The following AREL1 variants were observed in gnomAD, a reference collection of about 807,000 sequenced individuals.
The protein encoded by AREL1 is apoptosis resistant E3 ubiquitin protein ligase 1, also known as apoptosis-resistant E3 ubiquitin protein ligase 1.
In AREL1, 62 loss-of-function variants were observed where a neutral mutation model predicts 99.0. The observed-to-expected ratio is 0.63, with a 90% confidence interval of 0.51 to 0.77. AREL1 has a LOEUF of 0.77. Among genes scored for constraint, AREL1 ranks in the 30% least tolerant of loss-of-function variants. The pLI, the probability that AREL1 is intolerant of heterozygous loss-of-function variation, is 0.00. For synonymous variants in AREL1, 380 were observed against 376.5 expected (o/e 1.01, Z -0.11); for missense variants, 879 against 1,027.6 (o/e 0.86, Z 1.98).
At chr14:74,675,555 T>G in intron 8 of AREL1, 144 bp downstream of exon 8, 1 of 1,171,210 alleles carries the variant, frequency 8.5e-7, no homozygotes, top group Non-Finnish European at 1.2e-6. Context: ...AAGAAATTTT[T>G]AACAGTTGAA....
At chr14:74,664,781 A>G in intron 18 of AREL1, 55 bp downstream of exon 18, 1 of 1,546,898 alleles carries the variant, frequency 6.5e-7, no homozygotes, top group East Asian at 2.3e-5. Context: ...TTCTTCTGAA[A>G]CTTTTTCCTT....
chr14:74,669,858 A>G, intron 14 of AREL1, 84 bp from the exon 15 acceptor site: 7 of 1,584,048 alleles, frequency 4.4e-6, no homozygotes, highest in Non-Finnish European at 6.0e-6. Flanking sequence ...TATCCCTTCA[A>G]CCTTAAAAAT....
At position 74,669,688 on chromosome 14, in the gene AREL1, A is replaced by G; in HGVS notation, c.1875T>C (p.Phe625=). The change falls in exon 15 of 20, where the codon TTT becomes TTC. Residue 625 remains phenylalanine (F), a synonymous_variant. Coordinates refer to ENST00000356357, the MANE Select transcript of AREL1 (RefSeq NM_001039479.2). The stretch of plus-strand genomic sequence containing the variant: ...CTGATTTATTATATTTCTCTTCTGC[A>G]AAGACCAGCTCCATCTCACTCATGT... The part of the protein sequence containing the change: ...NNDMSEMELV[F]AEEKYNKSGQ... 1 of 1,614,188 alleles carries G rather than the reference A, an allele frequency of 6.2e-7. No homozygotes were observed. Among genetic ancestry groups the G allele is most frequent in the Non-Finnish European group, 8.5e-7 (1 of 1,180,026 alleles).
chr14:74,671,927 C>T (rs1056094106), intron 11 of AREL1: 7 of 440,990 alleles, frequency 1.6e-5, no homozygotes, highest in East Asian at 7.1e-5. Context: ...CCATGCCACA[C>T]GGAGAATATG....
intron 1 of AREL1, among the ~76,000 whole-genome samples, chr14:74,705,752 TTCTC>T (rs2090166336): frequency 1.3e-5 from 2 of 152,316 alleles, no homozygotes; most frequent in African/African-American, 2.4e-5. Context: ...TCAGTTTGGA[TTCTC>T]TCTATTGCAC....
At chr14:74,696,013 C>T (rs1232503571) in intron 1 of AREL1, among the ~76,000 whole-genome samples, 1 of 152,198 alleles carries the variant, frequency 6.6e-6, no homozygotes, top group African/African-American at 2.4e-5. Flanking sequence ...CAAGCCAAAT[C>T]CTAACAGCCG....
At chr14:74,708,504 T>C (rs2090225441) in intron 1 of AREL1, among the ~76,000 whole-genome samples, 1 of 152,204 alleles carries the variant, frequency 6.6e-6, no homozygotes, top group Non-Finnish European at 1.5e-5. Context: ...CGGGGGTACC[T>C]TGAATTTGAA....
Position 74,676,086 on chromosome 14 carries a change from C to G in AREL1, c.832+55G>C, listed in dbSNP as rs1443657551. ...GTGAGGTCAGACAAAAGAGTGCAAA[C>G]AGGCAAAGAAACGGCTGAAGAACAG... is the stretch of plus-strand genomic sequence containing the variant. On this transcript the variant is annotated intron_variant, in intron 7 of 19. Transcript: ENST00000356357. 9 of 1,581,300 alleles carry G rather than the reference C, an allele frequency of 5.7e-6. No homozygotes were observed. The Admixed American group carries it at 1.5e-4, about 27-fold the overall frequency.
In AREL1 at chr14:74,667,338, A is replaced by G. The variant is rs764787186; in HGVS notation, c.2084T>C (p.Phe695Ser). The change falls in exon 17 of 20, where the codon TTT (phenylalanine) becomes TCT (serine). Residue 695 changes from phenylalanine to serine, a missense_variant. By Grantham distance (155) the Phe-to-Ser change is radical (BLOSUM62 -2). Transcript: ENST00000356357. ...ELVPENLLAI[F>S]DENELELLMC... ...ACTTACCTCAAGCTCATTCTCATCA[A>G]AAATAGCCAAAAGGTTCTCAGGGAC... The G allele has an allele frequency of 6.2e-7, 1 of 1,614,188 alleles. No individual in the cohort carries two copies. The highest frequency in any genetic ancestry group is 8.5e-7 in the Non-Finnish European group (1 of 1,180,020).
In AREL1 at chr14:74,663,683, A is replaced by G; in HGVS notation, c.*37T>C. Reference sequence around the variant, plus strand: ...TCTGTAACTTGCGCCCAGAAGCTCCAGAGAGCATGGGAGCCAACTGGATGA... The same window carrying G: ...TCTGTAACTTGCGCCCAGAAGCTCCGGAGAGCATGGGAGCCAACTGGATGA... On this transcript the variant is annotated 3_prime_UTR_variant, in exon 20 of 20. Transcript: ENST00000356357. The G allele has an allele frequency of 6.3e-7, 1 of 1,594,326 alleles. No homozygotes were observed.
At chr14:74,685,455 A>G in intron 3 of AREL1, 145 bp downstream of exon 3, 1 of 918,926 alleles carries the variant, frequency 1.1e-6, no homozygotes. Flanking sequence ...ATGAATTCCA[A>G]TGCCAACTCT....
intron 9 of AREL1, among the ~76,000 whole-genome samples, chr14:74,673,528 C>T: frequency 6.6e-6 from 1 of 152,076 alleles, no homozygotes; most frequent in Non-Finnish European, 1.5e-5. Flanking sequence ...TATTAAATAG[C>T]AATAGTAAGG....
intron 1 of AREL1, chr14:74,698,870 A>G: frequency 4.8e-6 from 1 of 208,274 alleles, no homozygotes; most frequent in Non-Finnish European, 1.1e-5. Context: ...AAAAAAAAAA[A>G]AAAAAAAGCT....
Position 74,675,822 on chromosome 14 carries a change from C to A in AREL1, c.957G>T (p.Met319Ile). The A allele has an allele frequency of 6.2e-7, 1 of 1,614,146 alleles. No homozygotes were observed. Among genetic ancestry groups the A allele is most frequent in the South Asian group, 1.1e-5 (1 of 91,068 alleles). The change falls in exon 8 of 20, where the codon ATG becomes ATT. Residue 319 changes from methionine to isoleucine, a missense_variant. Transcript: ENST00000356357. The part of the protein sequence containing the change: ...STPWHLPPMH[M>I]TSSQRRPSTA... ...TGGATGGCCGGCGCTGGGAAGAGGT[C>A]ATGTGCATGGGTGGCAGGTGCCATG...
rs1439357842 is a variant in AREL1 at position 74,663,943 on chromosome 14, A to C, written c.2325T>G (p.Ile775Met). 2 of 1,614,056 alleles carry C rather than the reference A, an allele frequency of 1.2e-6. No homozygotes were observed. Among genetic ancestry groups the C allele is most frequent in the Non-Finnish European group, 1.7e-6 (2 of 1,180,032 alleles). The change falls in exon 19 of 20, where the codon ATT becomes ATG. Residue 775 changes from isoleucine (I) to methionine (M), a missense_variant. By Grantham distance (10) the Ile-to-Met change is conservative (BLOSUM62 1). Coordinates refer to ENST00000356357, the MANE Select transcript of AREL1 (RefSeq NM_001039479.2). Reference protein sequence around the residue: ...GFAALCPSFQIIAAPTHSTLP... With the variant: ...GFAALCPSFQMIAAPTHSTLP... The stretch of plus-strand genomic sequence containing the variant: ...GCGTGCTATGGGTCGGAGCGGCAAT[A>C]ATCTGAAATGAGGGACAGAGGGCGG...
At chr14:74,685,168 C>T (rs1566691762) in intron 3 of AREL1, among the ~76,000 whole-genome samples, 1 of 152,228 alleles carries the variant, frequency 6.6e-6, no homozygotes, top group East Asian at 1.9e-4. Context: ...TGGTTCCCAC[C>T]ATTTCCTTCT....
chr14:74,710,783 T>C lies in AREL1; in HGVS notation c.-334+2150A>G, dbSNP rs1220591513. On this transcript the variant is annotated intron_variant, in intron 1 of 19. Coordinates refer to ENST00000356357, the MANE Select transcript of AREL1 (RefSeq NM_001039479.2). ...TATGTAAACTATTAAGCCATCTAAATGAATGTGTGCCTGAAAGAGAAAGGA... is the reference window on the plus strand; with the variant it reads ...TATGTAAACTATTAAGCCATCTAAACGAATGTGTGCCTGAAAGAGAAAGGA... 4.6e-5 allele frequency among the ~76,000 whole-genome samples: 7 copies of C among 152,266 alleles called. No individual in the cohort carries two copies. In the East Asian group the frequency reaches 1.2e-3, roughly 25 times the overall value.
chr14:74,706,045 A>T (rs2090172788), intron 1 of AREL1, among the ~76,000 whole-genome samples: 1 of 152,160 alleles, frequency 6.6e-6, no homozygotes, highest in African/African-American at 2.4e-5. Context: ...TTAACCCTAA[A>T]TCTAGAAAAT....
intron 8 of AREL1, 34 bp downstream of exon 8, chr14:74,675,664 CA>C (rs748164728): frequency 1.1e-4 from 175 of 1,602,086 alleles, no homozygotes; most frequent in Non-Finnish European, 1.1e-4. Flanking sequence ...CAGGTTCAAG[CA>C]GGGGGATTTT....
Sources: gnomAD v4.1 joint callset for allele counts (sites outside exome capture counted in the v4.1 genomes callset) on GRCh38, gnomAD v4.1.1 for gene constraint, MANE v1.5 for transcripts, NCBI Gene and HGNC (gene_info 2026-07-23, HGNC 2026-07-21) for gene names.